Variants in LPP observed in about 807,000 individuals in gnomAD.
LPP encodes the protein lipoma-preferred partner.
In LPP, 38 loss-of-function variants were observed where a neutral mutation model predicts 60.4. The observed-to-expected ratio is 0.63, with a 90% CI of 0.49 to 0.83. LPP has a LOEUF of 0.83. Ranked by LOEUF, LPP falls within the 40% of genes least tolerant of loss-of-function variation. The probability of loss-of-function intolerance (pLI) is 0.00; values close to 1 mark genes in which losing one functional copy is unlikely to be tolerated. For missense variants in LPP, 902 were observed against 783.6 expected, an observed-to-expected ratio of 1.15 and a Z score of -1.80; for synonymous variants, 328 against 290.8, an observed-to-expected ratio of 1.13 and a Z score of -1.30.
intron 7 of LPP, among the ~76,000 whole-genome samples, chr3:188,635,975 G>T (rs16863480): frequency 0.2 from 29,981 of 152,168 alleles, 3,242 homozygotes; most frequent in African/African-American, 0.29. Context: ...AGCCTAGATC[G>T]TTGAAAAGGA....
At chr3:188,283,848 A>C (rs1467881414) in intron 2 of LPP, among the ~76,000 whole-genome samples, 2 of 151,954 alleles carry the variant, frequency 1.3e-5, no homozygotes, top group African/African-American at 4.8e-5. Flanking sequence ...GTGGTGGTAC[A>C]TGCCTGTAAT....
chr3:188,532,513 T>C (rs1043331520), intron 6 of LPP, among the ~76,000 whole-genome samples: 12 of 152,192 alleles, frequency 7.9e-5, no homozygotes, highest in Non-Finnish European at 1.5e-5. Flanking sequence ...CTTCAACTAA[T>C]ATGAAAAATT....
At chr3:188,558,749 G>T (rs562525700) in intron 6 of LPP, among the ~76,000 whole-genome samples, 2 of 152,116 alleles carry the variant, frequency 1.3e-5, no homozygotes, top group South Asian at 4.2e-4. Flanking sequence ...CCTCCCACTT[G>T]CTGTTCTCAA....
chr3:188,745,691 G>A lies in LPP; in HGVS notation c.1241-14422G>A, dbSNP rs141511888. Among the ~76,000 whole-genome samples the A allele has an allele frequency of 8.1e-3, 1,229 of 152,234 alleles. 13 individuals carry two copies. Among genetic ancestry groups the A allele is most frequent in the Non-Finnish European group, 0.013 (905 of 68,006 alleles). ...CTTTTTTAAGTTGATAAATCCCTCA[G>A]AAATTATTCTGAGGAAGCTGATGGG... On this transcript the variant is annotated intron_variant, in intron 8 of 11. Transcript: ENST00000617246.
At chr3:188,608,974 A>G (rs1843048659) in intron 6 of LPP, among the ~76,000 whole-genome samples, 187 bp from the exon 7 acceptor site, 1 of 152,190 alleles carries the variant, frequency 6.6e-6, no homozygotes, top group Non-Finnish European at 1.5e-5. Context: ...GGCAGTGCAC[A>G]GATATACAAC....
intron 3 of LPP, among the ~76,000 whole-genome samples, chr3:188,382,023 A>G (rs563098822): frequency 1.3e-5 from 2 of 152,002 alleles, no homozygotes; most frequent in Non-Finnish European, 2.9e-5. Flanking sequence ...CCTGAGCTCA[A>G]GTGATCCTCC....
intron 6 of LPP, among the ~76,000 whole-genome samples, chr3:188,593,000 T>C (rs1839229525): frequency 6.6e-6 from 1 of 152,156 alleles, no homozygotes; most frequent in African/African-American, 2.4e-5. Context: ...ATAAAAATTC[T>C]TCTTGAATAA....
chr3:188,595,191 C>T (rs1422839166), intron 6 of LPP, among the ~76,000 whole-genome samples: 1 of 150,174 alleles, frequency 6.7e-6, no homozygotes, highest in Admixed American at 6.7e-5. Context: ...AAATTGAAAC[C>T]CAAGAAACAA....
rs1849974899 is a variant in LPP at position 188,640,886 on chromosome 3, AT to A, written c.1113+31045del. ...CACAACTTCCCATACAGAAATTACTATTTGTATTATTCTCCAAAAAATAAGG... is the reference window on the plus strand; with the variant it reads ...CACAACTTCCCATACAGAAATTACTATTGTATTATTCTCCAAAAAATAAGG... On this transcript the variant is annotated intron_variant, in intron 7 of 11. Transcript: ENST00000617246. Among the ~76,000 whole-genome samples the A allele has an allele frequency of 4.6e-5, 7 of 152,306 alleles. No individual in the cohort carries two copies. In the South Asian group the frequency reaches 1.4e-3, roughly 32 times the overall value.
intron 9 of LPP, among the ~76,000 whole-genome samples, chr3:188,777,513 G>T (rs566888754): frequency 3.9e-5 from 6 of 152,294 alleles, no homozygotes; most frequent in African/African-American, 1.2e-4. Flanking sequence ...TATTTTAAGT[G>T]CCATAATGGG....
chr3:188,371,267 T>A (rs1445282609), intron 3 of LPP, among the ~76,000 whole-genome samples: 1 of 151,892 alleles, frequency 6.6e-6, no homozygotes, highest in East Asian at 1.9e-4. Context: ...ATTAATTCAT[T>A]TATTTATATA....
intron 1 of LPP, among the ~76,000 whole-genome samples, chr3:188,201,996 A>G (rs1395155274): frequency 6.6e-6 from 1 of 151,768 alleles, no homozygotes; most frequent in African/African-American, 2.4e-5. Flanking sequence ...AAATAAAGCA[A>G]AGAATATGTG....
chr3:188,803,751 G>A (rs1178221006), intron 9 of LPP, among the ~76,000 whole-genome samples: 3 of 152,102 alleles, frequency 2.0e-5, no homozygotes, highest in African/African-American at 4.8e-5. Context: ...CAGGTAGTAC[G>A]GTTTGTTCTG....
At chr3:188,189,547 C>T (rs920588729) in intron 1 of LPP, among the ~76,000 whole-genome samples, 1 of 152,172 alleles carries the variant, frequency 6.6e-6, no homozygotes, top group African/African-American at 2.4e-5. Context: ...ACAAATTCCA[C>T]ATCTATAAAA....
chr3:188,722,978 C>G (rs919128993), intron 8 of LPP, among the ~76,000 whole-genome samples: 2 of 152,032 alleles, frequency 1.3e-5, no homozygotes, highest in Admixed American at 1.3e-4. Context: ...TTATGATGTT[C>G]TGTTGTAATT....
At chr3:188,490,241 C>A (rs1807921047) in intron 5 of LPP, among the ~76,000 whole-genome samples, 1 of 152,048 alleles carries the variant, frequency 6.6e-6, no homozygotes. Context: ...AGTGAGTAAG[C>A]ACAGAGTAAC....
At chr3:188,664,932 G>A (rs1013392582) in intron 7 of LPP, among the ~76,000 whole-genome samples, 1 of 152,054 alleles carries the variant, frequency 6.6e-6, no homozygotes, top group Non-Finnish European at 1.5e-5. Flanking sequence ...TACATGGCAG[G>A]ACCTGAGTGT....
chr3:188,169,606 A>T (rs1325476720), intron 1 of LPP, among the ~76,000 whole-genome samples: 2 of 152,200 alleles, frequency 1.3e-5, no homozygotes, highest in African/African-American at 4.8e-5. Context: ...TATCTTTACC[A>T]TGGGATTTTG....
At chr3:188,283,224 A>G (rs1742716889) in intron 2 of LPP, among the ~76,000 whole-genome samples, 1 of 152,154 alleles carries the variant, frequency 6.6e-6, no homozygotes, top group African/African-American at 2.4e-5. Context: ...TAGAGTGTCA[A>G]CCCTCCTCAT....
Sources: allele counts gnomAD v4.1 joint callset (sites outside exome capture counted in the v4.1 genomes callset), GRCh38; gene constraint gnomAD v4.1.1; transcripts MANE v1.5; gene names NCBI Gene and HGNC (gene_info 2026-07-23, HGNC 2026-07-21).